The following NR5A2 variants were observed in gnomAD, a reference collection of about 807,000 sequenced individuals.
NR5A2 encodes nuclear receptor subfamily 5 group A member 2.
Under a neutral mutation model 62.7 loss-of-function variants are expected in NR5A2, and 26 were observed. The ratio of observed to expected loss-of-function variants is 0.41; its 90% confidence interval spans 0.30 to 0.58. The LOEUF is 0.58. Among genes scored for constraint, NR5A2 ranks in the 20% least tolerant of loss-of-function variants. The pLI, the probability that NR5A2 is intolerant of heterozygous loss-of-function variation, is 0.22. For missense variants in NR5A2, 541 were observed against 669.1 expected (o/e 0.81, Z 2.11); for synonymous variants, 246 against 241.7 (o/e 1.02, Z -0.16).
In NR5A2 at chr1:200,039,748, T is replaced by C; in HGVS notation, c.155T>C (p.Leu52Pro). The C allele has an allele frequency of 6.2e-7, 1 of 1,610,516 alleles. No homozygotes were observed. The highest frequency in any genetic ancestry group is 8.5e-7 in the Non-Finnish European group (1 of 1,178,462). The part of the protein sequence containing the change: ...LPKVETEALG[L>P]ARSHGEQGQM... ...AAAGTGGAGACGGAAGCCCTGGGAC[T>C]GGCTCGATCGCATGGGGAACAGGGC... The change falls in exon 2 of 8, where the codon CTG becomes CCG. Residue 52 changes from leucine to proline, a missense_variant. This residue lies in a region of NR5A2 where 108 missense variants were observed against 103.3 expected (regional missense o/e 1.05). Coordinates refer to ENST00000367362, the MANE Select transcript of NR5A2 (RefSeq NM_205860.3). The surrounding 1 kb of genome is among the most constrained non-coding windows in gnomAD (Gnocchi z 5.1).
chr1:200,155,467 C>T (rs1316840068), intron 7 of NR5A2, among the ~76,000 whole-genome samples: 4 of 152,072 alleles, frequency 2.6e-5, no homozygotes, highest in Non-Finnish European at 4.4e-5. Context: ...TGTCTAATGC[C>T]TTAAAGAAGT....
At chr1:200,050,143 C>G (rs554350213) in intron 5 of NR5A2, among the ~76,000 whole-genome samples, 1 of 152,020 alleles carries the variant, frequency 6.6e-6, no homozygotes, top group Admixed American at 6.6e-5. Flanking sequence ...AGATATTTTC[C>G]GAGTATGTGT....
Position 200,039,722 on chromosome 1 carries a change from CA to C in NR5A2, c.132del (p.Val45TrpfsTer30). ...PARGRLVMLP[K>X]VETEALGLAR... ...CCCGCGGTCGCCTTGTCATGCTGCC[CA>C]AAGTGGAGACGGAAGCCCTGGGACT... On this transcript the variant is annotated frameshift_variant, in exon 2 of 8. Transcript: ENST00000367362. LOFTEE classifies it high-confidence loss of function. The surrounding 1 kb of genome is among the most constrained non-coding windows in gnomAD (Gnocchi z 5.1). 6.2e-7 allele frequency: 1 copy of C among 1,612,298 alleles called. No homozygotes were observed.
chr1:200,051,561 G>A (rs1020274743), intron 5 of NR5A2, among the ~76,000 whole-genome samples: 4 of 152,298 alleles, frequency 2.6e-5, no homozygotes, highest in East Asian at 1.9e-4. Context: ...CAAACGTGAG[G>A]GTCGTCTACA....
At chr1:200,086,002 G>T (rs1664509718) in intron 5 of NR5A2, among the ~76,000 whole-genome samples, 1 of 152,118 alleles carries the variant, frequency 6.6e-6, no homozygotes, top group Non-Finnish European at 1.5e-5. Context: ...AGAGCTGTTT[G>T]GTCCATAGTC....
chr1:200,063,349 G>A (rs1663317588), intron 5 of NR5A2, among the ~76,000 whole-genome samples: 1 of 149,804 alleles, frequency 6.7e-6, no homozygotes, highest in Non-Finnish European at 1.5e-5. Flanking sequence ...TAGTAGAGAC[G>A]GGGTTTCACC....
chr1:200,043,634 G>A (rs925938367), intron 2 of NR5A2, 140 bp from the exon 3 acceptor site: 2 of 553,158 alleles, frequency 3.6e-6, no homozygotes, highest in African/African-American at 3.8e-5. Flanking sequence ...AGTTCAGTAA[G>A]ACCTTGCTAA....
At chr1:200,089,055 C>G (rs1664688042) in intron 5 of NR5A2, among the ~76,000 whole-genome samples, 2 of 152,146 alleles carry the variant, frequency 1.3e-5, no homozygotes, top group Non-Finnish European at 2.9e-5. Context: ...TCCTTACTTT[C>G]TCATCCACAC....
chr1:200,055,622 C>T (rs565913307), intron 5 of NR5A2, among the ~76,000 whole-genome samples: 13 of 152,302 alleles, frequency 8.5e-5, no homozygotes, highest in East Asian at 1.9e-4. Flanking sequence ...GGGTCCAACA[C>T]GAGCACTCCT....
At chr1:200,080,177 G>C (rs1270093011) in intron 5 of NR5A2, among the ~76,000 whole-genome samples, 4 of 152,052 alleles carry the variant, frequency 2.6e-5, no homozygotes, top group Non-Finnish European at 5.9e-5. Context: ...AGAACCATCA[G>C]GCAATGCTAC....
At chr1:200,055,369 A>G (rs1662868218) in intron 5 of NR5A2, among the ~76,000 whole-genome samples, 1 of 151,732 alleles carries the variant, frequency 6.6e-6, no homozygotes. Context: ...TTATTTTTGT[A>G]TGTTTTAGTA....
rs371564446 is a variant in NR5A2, at chr1:200,045,417, G to A, written c.322-26G>A. 4.7e-5 allele frequency: 73 copies of A among 1,553,036 alleles called. 2 individuals are homozygous for A. Among genetic ancestry groups the A allele is most frequent in the East Asian group, 2.8e-4 (12 of 43,338 alleles). ...AAGACGGGTGTTAGATTTATAATAC[G>A]TCTCACTATTTTCTCTGTCTTATAG... On this transcript the variant is annotated intron_variant, in intron 3 of 7. Transcript: ENST00000367362.
At chr1:200,091,236 T>C (rs1382763589) in intron 5 of NR5A2, among the ~76,000 whole-genome samples, 2 of 152,204 alleles carry the variant, frequency 1.3e-5, no homozygotes, top group Non-Finnish European at 1.5e-5. Context: ...AGTGATGCAC[T>C]CTAACAGTGA....
chr1:200,090,583 G>A (rs2102251572), intron 5 of NR5A2, among the ~76,000 whole-genome samples: 1 of 152,228 alleles, frequency 6.6e-6, no homozygotes, highest in South Asian at 2.1e-4. Context: ...CACTCCTATG[G>A]GTGTCTACTC....
intron 5 of NR5A2, among the ~76,000 whole-genome samples, chr1:200,050,177 T>A (rs1043198517): frequency 6.6e-6 from 1 of 152,226 alleles, no homozygotes; most frequent in Admixed American, 6.5e-5. Context: ...CACTCTATGA[T>A]AATCAGAACA....
At chr1:200,092,873 C>CTTTTTTTT (rs869028679) in intron 5 of NR5A2, among the ~76,000 whole-genome samples, 1 of 64,248 alleles carries the variant, frequency 1.6e-5, no homozygotes, top group Non-Finnish European at 2.8e-5. Context: ...AAAGACAGGT[C>CTTTTTTTT]TTTTTTTTTT....
intron 5 of NR5A2, among the ~76,000 whole-genome samples, chr1:200,053,559 G>A (rs1215687563): frequency 1.7e-5 from 2 of 118,556 alleles, no homozygotes; most frequent in East Asian, 2.5e-4. Flanking sequence ...ATCCCCCCCA[G>A]CATGCACACG....
chr1:200,156,391 C>T (rs1326045499), intron 7 of NR5A2, among the ~76,000 whole-genome samples: 1 of 152,136 alleles, frequency 6.6e-6, no homozygotes, highest in African/African-American at 2.4e-5. Context: ...ACTTCAAGTA[C>T]CCATACAACC....
rs3066613 is a variant in NR5A2, at chr1:200,047,584, C to CTTTTTTTTTT, written c.464-580_464-579insTTTTTTTTTT. Among the ~76,000 whole-genome samples the CTTTTTTTTTT allele has an allele frequency of 2.0e-4, 30 of 148,354 alleles. 1 individual carries two copies. The highest frequency in any genetic ancestry group is 7.1e-4 in the African/African-American group (28 of 39,196). ...CTTAGCAATGTGAAATATTTCTTTT[C>CTTTTTTTTTT]TTTTTTTTGAGACAGGGGTTTCACT... On this transcript the variant is annotated intron_variant, in intron 4 of 7. Coordinates refer to ENST00000367362, the MANE Select transcript of NR5A2 (RefSeq NM_205860.3).
Sources: gnomAD v4.1 joint callset for allele counts (sites outside exome capture counted in the v4.1 genomes callset) on GRCh38, gnomAD v4.1.1 for gene constraint, gnomAD v4.1.1 regional missense constraint, Gnocchi (gnomAD v3.1) non-coding constraint, MANE v1.5 for transcripts, NCBI Gene and HGNC (gene_info 2026-07-23, HGNC 2026-07-21) for gene names.